ASIC2: variants seen among roughly 807,000 people sequenced by gnomAD.
ASIC2 encodes acid-sensing ion channel 2.
A neutral mutation model predicts 57.3 loss-of-function variants in ASIC2; 25 were observed. The ratio of observed to expected loss-of-function variants is 0.44; its 90% confidence interval spans 0.32 to 0.61. The LOEUF (loss-of-function observed/expected upper bound fraction) is 0.61, where lower values mean the gene tolerates loss of function less well. Among genes scored for constraint, ASIC2 ranks in the 20% least tolerant of loss-of-function variants. ASIC2 has a pLI of 0.06. For synonymous variants in ASIC2, 319 were observed against 307.5 expected, an observed-to-expected ratio of 1.04 and a Z score of -0.39; for missense variants, 641 against 738.1, an observed-to-expected ratio of 0.87 and a Z score of 1.52.
chr17:33,692,939 C>T (rs1247443547), intron 1 of ASIC2, among the ~76,000 whole-genome samples: 3 of 152,102 alleles, frequency 2.0e-5, no homozygotes, highest in African/African-American at 7.2e-5. Context: ...GTAAATCAAT[C>T]GCATATTTTA....
intron 1 of ASIC2, among the ~76,000 whole-genome samples, chr17:33,727,582 A>G (rs907828745): frequency 6.6e-6 from 1 of 152,006 alleles, no homozygotes; most frequent in African/African-American, 2.4e-5. Context: ...AGTGTGTAGC[A>G]CCTTCCCCAT....
intron 1 of ASIC2, chr17:34,038,577 G>T: frequency 1.4e-5 from 22 of 1,608,616 alleles, no homozygotes; most frequent in Non-Finnish European, 1.9e-5. Flanking sequence ...AGCGTTGGAT[G>T]ATATTTAAAT....
chr17:33,381,510 A>G (rs1909487923), intron 1 of ASIC2, among the ~76,000 whole-genome samples: 1 of 152,208 alleles, frequency 6.6e-6, no homozygotes, highest in African/African-American at 2.4e-5. Flanking sequence ...GAGGATAGGG[A>G]AAATGCTGGC....
intron 3 of ASIC2, among the ~76,000 whole-genome samples, chr17:33,062,336 T>C (rs1405246983): frequency 6.6e-6 from 1 of 152,206 alleles, no homozygotes; most frequent in African/African-American, 2.4e-5. Flanking sequence ...GCTTTAAATG[T>C]GTCCCAGAGA....
At chr17:33,540,682 C>T (rs779465713) in intron 1 of ASIC2, among the ~76,000 whole-genome samples, 3 of 152,000 alleles carry the variant, frequency 2.0e-5, no homozygotes, top group Non-Finnish European at 2.9e-5. Flanking sequence ...CCTAGGTGGG[C>T]GGGTATAGGT....
At chr17:33,962,258 G>A (rs1392044050) in intron 1 of ASIC2, among the ~76,000 whole-genome samples, 2 of 152,184 alleles carry the variant, frequency 1.3e-5, no homozygotes, top group South Asian at 2.1e-4. Flanking sequence ...AGGGTTCTTT[G>A]GAACATGGAG....
Position 34,016,174 on chromosome 17 carries a change from C to T in ASIC2, c.555+139804G>A, listed in dbSNP as rs554362192. ...GCACAGTGGCTCATGCCTGTAATCCCAGCACTTTGGGAGGCCGAGGCAGGT... is the reference window on the plus strand; with the variant it reads ...GCACAGTGGCTCATGCCTGTAATCCTAGCACTTTGGGAGGCCGAGGCAGGT... On this transcript the variant is annotated intron_variant, in intron 1 of 9. Transcript: ENST00000359872. Among the ~76,000 whole-genome samples the T allele has an allele frequency of 2.8e-4, 43 of 152,084 alleles. 1 individual carries two copies. Among genetic ancestry groups the T allele is most frequent in the Admixed American group, 2.2e-3 (33 of 15,284 alleles).
chr17:34,088,893 C>T (rs924080333), intron 1 of ASIC2, among the ~76,000 whole-genome samples: 14 of 152,162 alleles, frequency 9.2e-5, no homozygotes, highest in African/African-American at 2.7e-4. Flanking sequence ...GTCGGAAAAG[C>T]GCGGTATTTG....
chr17:34,012,875 G>A (rs917395417), intron 1 of ASIC2, among the ~76,000 whole-genome samples: 4 of 152,166 alleles, frequency 2.6e-5, no homozygotes, highest in Non-Finnish European at 4.4e-5. Context: ...AAGGTCAAGC[G>A]CTAGTGTGGG....
At chr17:34,032,608 C>A (rs1260194768) in intron 1 of ASIC2, among the ~76,000 whole-genome samples, 1 of 152,148 alleles carries the variant, frequency 6.6e-6, no homozygotes, top group Non-Finnish European at 1.5e-5. Flanking sequence ...GTGCTGTATT[C>A]AGGAAACCCA....
Position 33,584,815 on chromosome 17 carries a change from C to G in ASIC2, c.556-472748G>C, listed in dbSNP as rs73984027. Among the ~76,000 whole-genome samples the G allele has an allele frequency of 1.9e-3, 290 of 152,004 alleles. 2 individuals carry two copies. The highest frequency in any genetic ancestry group is 6.4e-3 in the African/African-American group (265 of 41,436). On this transcript the variant is annotated intron_variant, in intron 1 of 9. Transcript: ENST00000359872. ...ATTCGGAAGCCTGAGAGTGCTGAGC[C>G]GGAGAGGGGACACTAACAGGAACTG...
chr17:34,054,428 T>C (rs1597996531), intron 1 of ASIC2, among the ~76,000 whole-genome samples: 1 of 152,190 alleles, frequency 6.6e-6, no homozygotes, highest in East Asian at 1.9e-4. Context: ...AGTATAGTGC[T>C]TTTTTCAAGC....
chr17:33,623,241 TTTTTG>T (rs1360588988), intron 1 of ASIC2, among the ~76,000 whole-genome samples: 1 of 34,342 alleles, frequency 2.9e-5, no homozygotes, highest in Non-Finnish European at 7.2e-5. Flanking sequence ...ATATCGTTTT[TTTTTG>T]TTTGTTTGTT....
intron 1 of ASIC2, among the ~76,000 whole-genome samples, chr17:33,490,339 T>G (rs1428158706): frequency 6.6e-6 from 1 of 152,240 alleles, no homozygotes; most frequent in African/African-American, 2.4e-5. Context: ...CCCCGTTAGG[T>G]GGCCTGTGAT....
At chr17:33,487,490 C>A (rs1241986426) in intron 1 of ASIC2, among the ~76,000 whole-genome samples, 1 of 152,222 alleles carries the variant, frequency 6.6e-6, no homozygotes, top group Non-Finnish European at 1.5e-5. Context: ...GACAACCTTG[C>A]TAAGCTTTGG....
chr17:34,093,411 A>G (rs1377415108), intron 1 of ASIC2, among the ~76,000 whole-genome samples: 1 of 152,180 alleles, frequency 6.6e-6, no homozygotes, highest in Non-Finnish European at 1.5e-5. Flanking sequence ...CCAGCCTCAG[A>G]CAAAAAGCGG....
intron 1 of ASIC2, among the ~76,000 whole-genome samples, chr17:34,108,578 T>G (rs1352489619): frequency 1.3e-5 from 2 of 152,174 alleles, no homozygotes; most frequent in Non-Finnish European, 2.9e-5. Context: ...TGGTGAACAC[T>G]CCTCGTACAT....
chr17:33,080,977 G>A (rs562452644), intron 3 of ASIC2, among the ~76,000 whole-genome samples: 34 of 152,300 alleles, frequency 2.2e-4, no homozygotes, highest in Non-Finnish European at 4.4e-4. Flanking sequence ...ATCAGGGACC[G>A]AGAACTTTTT....
intron 1 of ASIC2, among the ~76,000 whole-genome samples, chr17:33,854,214 G>T (rs1267030977): frequency 6.6e-6 from 1 of 151,952 alleles, no homozygotes; most frequent in Non-Finnish European, 1.5e-5. Context: ...AGGTAGAAGA[G>T]TGAGTCTGTG....
Sources: allele counts gnomAD v4.1 joint callset (sites outside exome capture counted in the v4.1 genomes callset), GRCh38; gene constraint gnomAD v4.1.1; transcripts MANE v1.5; gene names NCBI Gene and HGNC (gene_info 2026-07-23, HGNC 2026-07-21).